Variants in THBS4 observed in about 807,000 individuals in gnomAD.
THBS4 encodes thrombospondin-4.
In THBS4, 90 loss-of-function variants were observed where a neutral mutation model predicts 115.7. The ratio of observed to expected loss-of-function variants is 0.78; its 90% confidence interval spans 0.66 to 0.93. The LOEUF (loss-of-function observed/expected upper bound fraction) is 0.93, where lower values mean the gene tolerates loss of function less well. Ranked by LOEUF, THBS4 falls within the 40% of genes least tolerant of loss-of-function variation. The pLI is 0.00. For synonymous variants in THBS4, 460 were observed against 479.3 expected (o/e 0.96, Z 0.53); for missense variants, 1,087 against 1,232.7 (o/e 0.88, Z 1.77).
At chr5:80,038,569 C>T (rs1832791867) in intron 1 of THBS4, among the ~76,000 whole-genome samples, 1 of 152,080 alleles carries the variant, frequency 6.6e-6, no homozygotes, top group African/African-American at 2.4e-5. Flanking sequence ...CCAAGCCCTT[C>T]TCTTTTTTTT....
Position 80,079,050 on chromosome 5 carries a change from T to C in THBS4, c.2315-12T>C. On this transcript the variant is annotated splice_polypyrimidine_tract_variant and intron_variant, in intron 18 of 21. Coordinates refer to ENST00000350881, the MANE Select transcript of THBS4 (RefSeq NM_003248.6). ...GTTTGTCTATTGTTCTAATCTTATCTGGTCCCTACAGGGTACACAGCTTTT... is the reference window on the plus strand; with the variant it reads ...GTTTGTCTATTGTTCTAATCTTATCCGGTCCCTACAGGGTACACAGCTTTT... 1.9e-6 allele frequency: 3 copies of C among 1,612,194 alleles called. No individual in the cohort carries two copies. Among genetic ancestry groups the C allele is most frequent in the Non-Finnish European group, 2.5e-6 (3 of 1,178,576 alleles).
At chr5:80,068,195 T>C in intron 10 of THBS4, 70 bp downstream of exon 10, 1 of 1,575,224 alleles carries the variant, frequency 6.3e-7, no homozygotes, top group Middle Eastern at 1.7e-4. Flanking sequence ...CTCCAGTTTC[T>C]ATGTGCTTCA....
chr5:80,080,579 CTT>C (rs67048630), intron 20 of THBS4, among the ~76,000 whole-genome samples: 6,087 of 50,388 alleles, frequency 0.12, 222 homozygotes, highest in African/African-American at 0.17. Context: ...GCGCTTGTAT[CTT>C]TTTTTTTTTT....
At chr5:80,037,528 G>T (rs1395387140) in intron 1 of THBS4, among the ~76,000 whole-genome samples, 1 of 152,086 alleles carries the variant, frequency 6.6e-6, no homozygotes, top group African/African-American at 2.4e-5. Flanking sequence ...ATAGAAAATG[G>T]TAGTGTCTCA....
At chr5:80,031,180 G>A (rs1832581122), upstream of THBS4, among the ~76,000 whole-genome samples, 1 of 152,156 alleles carries the variant, frequency 6.6e-6, no homozygotes, top group African/African-American at 2.4e-5. Flanking sequence ...AAACTAGAGA[G>A]AACAAGAAAG....
chr5:80,067,966 C>G lies in THBS4; in HGVS notation c.1195-7C>G, dbSNP rs757390609. On this transcript the variant is annotated splice_polypyrimidine_tract_variant and splice_region_variant and intron_variant, in intron 9 of 21. Transcript: ENST00000350881. Reference sequence around the variant, plus strand: ...TCAGCTCATCACCTGATCTTTGTTCCTTGCAGGGATCTTACCGCTGTGGGC... The same window carrying G: ...TCAGCTCATCACCTGATCTTTGTTCGTTGCAGGGATCTTACCGCTGTGGGC... The G allele has an allele frequency of 1.2e-5, 19 of 1,613,728 alleles. No individual in the cohort carries two copies. Among genetic ancestry groups the G allele is most frequent in the Non-Finnish European group, 1.4e-5 (16 of 1,179,842 alleles).
At chr5:80,018,335 A>T (rs895777526) in intron 2 of THBS4, among the ~76,000 whole-genome samples, 17 of 148,938 alleles carry the variant, frequency 1.1e-4, no homozygotes, top group African/African-American at 4.0e-4. Context: ...TAATTCATAC[A>T]TTGATTTTAA....
In THBS4 at chr5:80,072,287, A is replaced by G; in HGVS notation, c.1730A>G (p.Asn577Ser). The G allele has an allele frequency of 6.2e-7, 1 of 1,614,132 alleles. No individual in the cohort carries two copies. Among genetic ancestry groups the G allele is most frequent in the Non-Finnish European group, 8.5e-7 (1 of 1,179,986 alleles). Residue 577 changes from asparagine (N) to serine (S), a missense_variant, in exon 14 of 22, where the codon AAC (asparagine) becomes AGC (serine). Coordinates refer to ENST00000350881, the MANE Select transcript of THBS4 (RefSeq NM_003248.6). ...CATTTCTTTCTCACAGGAATAAAAAACATTCTGGACAACTGCCCAAAATTT... is the reference window on the plus strand; with the variant it reads ...CATTTCTTTCTCACAGGAATAAAAAGCATTCTGGACAACTGCCCAAAATTT... ...DDDMDGDGIK[N>S]ILDNCPKFPN...
intron 10 of THBS4, among the ~76,000 whole-genome samples, chr5:80,069,413 TG>T (rs539705660): frequency 1.2e-4 from 18 of 152,322 alleles, no homozygotes; most frequent in Middle Eastern, 6.8e-3. Flanking sequence ...TCCTCATGGT[TG>T]GGCTTGTTTA....
chr5:80,070,199 T>C (rs1455037111), intron 10 of THBS4, 107 bp from the exon 11 acceptor site: 1 of 874,432 alleles, frequency 1.1e-6, no homozygotes, highest in Non-Finnish European at 1.8e-6. Flanking sequence ...TGAGTGACTC[T>C]GGGCCCTCCC....
chr5:80,072,817 T>G (rs1175905285), intron 14 of THBS4, among the ~76,000 whole-genome samples: 2 of 152,210 alleles, frequency 1.3e-5, no homozygotes, highest in Non-Finnish European at 2.9e-5. Flanking sequence ...CCTCCCTGTC[T>G]GGATAATTGG....
intron 2 of THBS4, among the ~76,000 whole-genome samples, chr5:80,016,787 T>C (rs1203158998): frequency 1.3e-5 from 2 of 152,164 alleles, no homozygotes; most frequent in East Asian, 1.9e-4. Flanking sequence ...ACCTCAAGCA[T>C]AGACAAACTG....
chr5:80,029,153 A>G (rs558974932), intron 2 of THBS4, among the ~76,000 whole-genome samples: 1 of 152,326 alleles, frequency 6.6e-6, no homozygotes, highest in African/African-American at 2.4e-5. Context: ...TGGGAGGCTG[A>G]GGCAGGATCC....
intron 2 of THBS4, among the ~76,000 whole-genome samples, chr5:80,027,236 C>T (rs1832495080): frequency 6.6e-6 from 1 of 152,184 alleles, no homozygotes; most frequent in African/African-American, 2.4e-5. Context: ...GAAGAGAAGT[C>T]TGTTGGGGTG....
intron 2 of THBS4, among the ~76,000 whole-genome samples, chr5:80,022,752 T>G (rs540361897): frequency 2.0e-4 from 31 of 152,338 alleles, no homozygotes; most frequent in African/African-American, 6.5e-4. Flanking sequence ...ATAAATACGT[T>G]CATAACAATG....
In THBS4 at chr5:80,078,083, T is replaced by G; in HGVS notation, c.2121T>G (p.Phe707Leu). ...DGVGDICESDFDQDQVIDRID... is the reference protein window; with the variant it reads ...DGVGDICESDLDQDQVIDRID... ...TGGGAGACATCTGTGAGTCTGACTT[T>G]GACCAGGACCAGGTCATCGATCGGA... Residue 707 changes from phenylalanine to leucine, a missense_variant, in exon 17 of 22, where the codon TTT becomes TTG. By Grantham distance (22) the Phe-to-Leu change is conservative. Around this residue, in one of 3 missense-constraint regions of THBS4, gnomAD observed 979 missense variants for 1,103.7 expected, o/e 0.89. Coordinates refer to ENST00000350881, the MANE Select transcript of THBS4 (RefSeq NM_003248.6). The G allele has an allele frequency of 6.2e-7, 1 of 1,602,708 alleles. No individual in the cohort carries two copies.
At position 80,067,982 on chromosome 5, in the gene THBS4, C is replaced by A; in HGVS notation, c.1204C>A (p.Arg402Ser). The part of the protein sequence containing the change: ...SICVNTLGSY[R>S]CGPCKPGYTG... Reference sequence around the variant, plus strand: ...TCTTTGTTCCTTGCAGGGATCTTACCGCTGTGGGCCTTGTAAGCCGGGGTA... The same window carrying A: ...TCTTTGTTCCTTGCAGGGATCTTACAGCTGTGGGCCTTGTAAGCCGGGGTA... The change falls in exon 10 of 22, where the codon CGC becomes AGC. Residue 402 changes from arginine (R) to serine (S), a missense_variant. By Grantham distance (110) the Arg-to-Ser change is moderately radical (BLOSUM62 -1). Coordinates refer to ENST00000350881, the MANE Select transcript of THBS4 (RefSeq NM_003248.6). 1 of 1,613,874 alleles carries A rather than the reference C, an allele frequency of 6.2e-7. No homozygotes were observed. Among genetic ancestry groups the A allele is most frequent in the South Asian group, 1.1e-5 (1 of 91,042 alleles).
At chr5:80,024,334 A>G (rs1832434235) in intron 2 of THBS4, among the ~76,000 whole-genome samples, 1 of 152,166 alleles carries the variant, frequency 6.6e-6, no homozygotes, top group African/African-American at 2.4e-5. Flanking sequence ...ACTCTCAGAA[A>G]TGTTTCAAGA....
At chr5:80,055,044 G>T (rs1833376771) in intron 2 of THBS4, among the ~76,000 whole-genome samples, 1 of 152,088 alleles carries the variant, frequency 6.6e-6, no homozygotes, top group African/African-American at 2.4e-5. Context: ...TATTTAGGCT[G>T]GGCACAGTGG....
Sources: gnomAD v4.1 joint callset for allele counts (sites outside exome capture counted in the v4.1 genomes callset) on GRCh38, gnomAD v4.1.1 for gene constraint, gnomAD v4.1.1 regional missense constraint, MANE v1.5 for transcripts, NCBI Gene and HGNC (gene_info 2026-07-23, HGNC 2026-07-21) for gene names.